The following METTL6 variants were observed in gnomAD, a reference collection of about 807,000 sequenced individuals.
The protein encoded by METTL6 is tRNA N(3)-cytidine methyltransferase METTL6.
A neutral mutation model predicts 26.4 loss-of-function variants in METTL6; 22 were observed. The observed-to-expected ratio is 0.83, with a 90% CI of 0.59 to 1.19. METTL6 has a LOEUF of 1.19. METTL6 is among the 50% of genes most tolerant of loss of function. METTL6 has a pLI of 0.00. For missense variants in METTL6, 304 were observed against 324.8 expected (o/e 0.94, Z 0.49); for synonymous variants, 109 against 116.2 (o/e 0.94, Z 0.40).
rs2061728025 is a variant in METTL6, at chr3:15,426,505, A to T, written c.7T>A (p.Ser3Thr). Residue 3 changes from serine to threonine, a missense_variant, in exon 2 of 6, where the codon TCT becomes ACT. Physicochemically the swap from Ser to Thr is moderately conservative, Grantham distance 58. Coordinates refer to ENST00000383790, the MANE Select transcript of METTL6 (RefSeq NM_152396.4). ...GCCTGCAGCCCTTTCCTTTGCAAAG[A>T]AGCCATCTCTGAAACTGACGGTAAC... MASLQRKGLQARI... is the reference protein window; with the variant it reads MATLQRKGLQARI... The T allele has an allele frequency of 6.2e-7, 1 of 1,613,276 alleles. No individual in the cohort carries two copies. Among genetic ancestry groups the T allele is most frequent in the Non-Finnish European group, 8.5e-7 (1 of 1,179,894 alleles).
intron 3 of METTL6, among the ~76,000 whole-genome samples, chr3:15,423,372 G>A (rs1290487772): frequency 2.0e-5 from 3 of 152,180 alleles, no homozygotes; most frequent in East Asian, 1.9e-4. Flanking sequence ...CAGTCTAGGC[G>A]ACAGAGCGAG....
intron 6 of METTL6, chr3:15,384,511 C>A (rs1445762772): frequency 1.2e-5 from 2 of 162,984 alleles, no homozygotes; most frequent in Non-Finnish European, 2.6e-5. Flanking sequence ...GGGGCCGAGG[C>A]AGGAGGATCG....
At chr3:15,422,234 G>A (rs2061625850) in intron 3 of METTL6, among the ~76,000 whole-genome samples, 1 of 152,164 alleles carries the variant, frequency 6.6e-6, no homozygotes, top group Non-Finnish European at 1.5e-5. Flanking sequence ...GCTGAGGTGG[G>A]AGGATCACTT....
rs1699942322 is a variant in METTL6, at chr3:15,411,037, C to T, written c.*219G>A. 2 of 443,920 alleles carry T rather than the reference C, an allele frequency of 4.5e-6. No homozygotes were observed. The highest frequency in any genetic ancestry group is 8.0e-6 in the Non-Finnish European group (2 of 251,552). The allele number at this position is 443,920 out of a possible 1,614,324, so 27.5% of individuals were successfully genotyped here. A position where few individuals can be genotyped will look rare whatever the true frequency, so the allele number is the denominator to read the frequency against. The stretch of plus-strand genomic sequence containing the variant: ...CCTCCTGAGTAGCTGGGATTACAGG[C>T]ACTCGCCACTATGCCCAGCTAATTT... On this transcript the variant is annotated 3_prime_UTR_variant, in exon 6 of 6. Transcript: ENST00000383790.
chr3:15,402,863 G>A (rs1699687079), intron 6 of METTL6, among the ~76,000 whole-genome samples: 1 of 151,538 alleles, frequency 6.6e-6, no homozygotes, highest in Non-Finnish European at 1.5e-5. Flanking sequence ...TGCGAATCTT[G>A]TGGCTAATTT....
At chr3:15,404,700 G>A (rs1264680453) in intron 6 of METTL6, among the ~76,000 whole-genome samples, 1 of 151,916 alleles carries the variant, frequency 6.6e-6, no homozygotes, top group Admixed American at 6.6e-5. Context: ...GTCCTGCTAT[G>A]TTGCTCAGGC....
At chr3:15,412,328 TAA>T (rs1700002445) in intron 5 of METTL6, among the ~76,000 whole-genome samples, 1 of 152,098 alleles carries the variant, frequency 6.6e-6, no homozygotes. Flanking sequence ...GCAGCAAAAA[TAA>T]AGACTCGTAC....
chr3:15,423,068 T>C (rs979598388), intron 3 of METTL6, among the ~76,000 whole-genome samples: 1 of 152,062 alleles, frequency 6.6e-6, no homozygotes, highest in African/African-American at 2.4e-5. Context: ...AGGTATGGGG[T>C]AGGGCAAGGG....
chr3:15,425,493 T>C (rs373646833), intron 2 of METTL6, among the ~76,000 whole-genome samples: 109 of 152,374 alleles, frequency 7.2e-4, no homozygotes, highest in African/African-American at 2.5e-3. Context: ...CCATGGTAAA[T>C]AGTTACTAAC....
intron 4 of METTL6, chr3:15,414,936 A>C: frequency 8.7e-7 from 1 of 1,147,654 alleles, no homozygotes; most frequent in Non-Finnish European, 1.1e-6. Flanking sequence ...ATAAATAAAT[A>C]AGTGTTAGAG....
rs891733692 is a variant in METTL6 at position 15,427,404 on chromosome 3, C to G, written c.-127G>C. Reference sequence around the variant, plus strand: ...GGGCTAGGGCCAGGCGCACTCACCCCACAGCCAGCCCCACTGGGCCTCGGA... The same window carrying G: ...GGGCTAGGGCCAGGCGCACTCACCCGACAGCCAGCCCCACTGGGCCTCGGA... On this transcript the variant is annotated splice_region_variant and 5_prime_UTR_variant, in exon 1 of 6. Transcript: ENST00000383790. 3.3e-6 allele frequency: 1 copy of G among 299,078 alleles called. No homozygotes were observed. The highest frequency in any genetic ancestry group is 2.3e-5 in the African/African-American group (1 of 43,578). The allele number at this position is 299,078 out of a possible 1,614,324, so 18.5% of individuals were successfully genotyped here.
chr3:15,404,403 T>C (rs1699732008), intron 6 of METTL6, among the ~76,000 whole-genome samples: 1 of 152,120 alleles, frequency 6.6e-6, no homozygotes, highest in Non-Finnish European at 1.5e-5. Context: ...AGTACAGTGA[T>C]GCGATCTAGG....
intron 4 of METTL6, chr3:15,415,571 A>C: frequency 6.2e-7 from 1 of 1,603,722 alleles, no homozygotes; most frequent in Non-Finnish European, 8.5e-7. Flanking sequence ...AGCTCTGAAG[A>C]GCAGCCATGG....
chr3:15,423,481 C>T (rs778504095), intron 3 of METTL6, among the ~76,000 whole-genome samples: 10 of 152,176 alleles, frequency 6.6e-5, no homozygotes, highest in South Asian at 4.1e-4. Flanking sequence ...AGGGTGTAAT[C>T]CCACACTCTG....
chr3:15,394,963 G>C (rs544254414), intron 6 of METTL6, among the ~76,000 whole-genome samples: 66 of 152,348 alleles, frequency 4.3e-4, no homozygotes, highest in African/African-American at 1.3e-3. Context: ...GTGCTGAAAA[G>C]AATGTATATT....
chr3:15,392,676 A>C (rs1458747370), intron 6 of METTL6, among the ~76,000 whole-genome samples: 2 of 152,196 alleles, frequency 1.3e-5, no homozygotes, highest in African/African-American at 4.8e-5. Flanking sequence ...TTTTAGTATA[A>C]GGAATAAGGA....
rs1229092330 is a variant in METTL6 at position 15,410,259 on chromosome 3, TA to T, written c.*996del. ...CTGAAACCAAGATGGTACCAAACTC[TA>T]AAAAAAAAAGAACAACTTTAACAAT... On this transcript the variant is annotated 3_prime_UTR_variant, in exon 6 of 6. Transcript: ENST00000383790. Among the ~76,000 whole-genome samples the T allele has an allele frequency of 1.1e-4, 16 of 147,438 alleles. No individual in the cohort carries two copies. Among genetic ancestry groups the T allele is most frequent in the Non-Finnish European group, 1.4e-4 (9 of 66,574 alleles).
intron 6 of METTL6, among the ~76,000 whole-genome samples, chr3:15,402,039 G>A (rs374823877): frequency 2.0e-5 from 3 of 152,098 alleles, no homozygotes; most frequent in South Asian, 4.2e-4. Flanking sequence ...CTCTCTTGGG[G>A]TCTGGATTGG....
rs184053612 is a variant in METTL6, at chr3:15,411,158, G to T, written c.*98C>A. 2.2e-6 allele frequency: 3 copies of T among 1,357,686 alleles called. No homozygotes were observed. The highest frequency in any genetic ancestry group is 4.7e-5 in the East Asian group (2 of 42,192). The allele number at this position is 1,357,686 out of a possible 1,614,324, so 84.1% of individuals were successfully genotyped here. On this transcript the variant is annotated 3_prime_UTR_variant, in exon 6 of 6. Coordinates refer to ENST00000383790, the MANE Select transcript of METTL6 (RefSeq NM_152396.4). ...GATCCCCCAACCTCGGCCTCCCGAAGTGCTGGGATTACAGGCATGAGCCAC... is the reference window on the plus strand; with the variant it reads ...GATCCCCCAACCTCGGCCTCCCGAATTGCTGGGATTACAGGCATGAGCCAC...
Sources: allele counts gnomAD v4.1 joint callset (sites outside exome capture counted in the v4.1 genomes callset), GRCh38; gene constraint gnomAD v4.1.1; transcripts MANE v1.5; gene names NCBI Gene and HGNC (gene_info 2026-07-23, HGNC 2026-07-21).